PLXNA4: variants seen among roughly 807,000 people sequenced by gnomAD.
PLXNA4 encodes plexin-A4.
In PLXNA4, 44 loss-of-function variants were observed where a neutral mutation model predicts 191.8. That is an observed-to-expected ratio of 0.23 (90% CI 0.18 to 0.29). The LOEUF (loss-of-function observed/expected upper bound fraction) is 0.29. PLXNA4 is among the 10% of genes least tolerant of loss of function. PLXNA4 has a pLI of 1.00. For missense variants in PLXNA4, 1,800 were observed against 2,488.8 expected (o/e 0.72, Z 5.89); for synonymous variants, 1,082 against 1,009.5 (o/e 1.07, Z -1.36).
chr7:132,138,419 C>T (rs1795175025), intron 30 of PLXNA4, among the ~76,000 whole-genome samples: 1 of 152,108 alleles, frequency 6.6e-6, no homozygotes, highest in East Asian at 1.9e-4. Context: ...GTGAGGTCTG[C>T]CCTGCCGGAC....
intron 3 of PLXNA4, among the ~76,000 whole-genome samples, chr7:132,378,847 CTTTTTTT>C (rs11375919): frequency 8.4e-6 from 1 of 119,044 alleles, no homozygotes; most frequent in African/African-American, 3.3e-5. Flanking sequence ...GGCACTGGAT[CTTTTTTT>C]TTTTTTTTTT....
intron 4 of PLXNA4, among the ~76,000 whole-genome samples, chr7:132,269,495 C>G (rs958214309): frequency 6.6e-5 from 10 of 151,868 alleles, no homozygotes; most frequent in African/African-American, 2.4e-4. Flanking sequence ...GCATGGGACA[C>G]CACATCAGCT....
At chr7:132,516,847 G>A (rs1255850807) in intron 1 of PLXNA4, among the ~76,000 whole-genome samples, 11 of 152,290 alleles carry the variant, frequency 7.2e-5, no homozygotes, top group South Asian at 4.1e-4. Context: ...CCAGCTACTC[G>A]GGAGGCTGAG....
chr7:132,607,966 ACCATCACTG>A (rs1312221504), intron 2 of PLXNA4, among the ~76,000 whole-genome samples: 1 of 151,990 alleles, frequency 6.6e-6, no homozygotes, highest in African/African-American at 2.4e-5. Flanking sequence ...CACCATCACC[ACCATCACTG>A]CCATCATCCT....
At chr7:132,426,757 G>A (rs79327079) in intron 3 of PLXNA4, among the ~76,000 whole-genome samples, 4,855 of 151,564 alleles carry the variant, frequency 0.032, 106 homozygotes, top group Non-Finnish European at 0.045. Flanking sequence ...AAATTAGAGG[G>A]CAAAAGAAAA....
chr7:132,585,480 G>A (rs1802490924), intron 2 of PLXNA4, among the ~76,000 whole-genome samples: 1 of 152,118 alleles, frequency 6.6e-6, no homozygotes, highest in African/African-American at 2.4e-5. Context: ...AATGAGCCTG[G>A]CCCCCAAAGT....
At chr7:132,265,500 T>G (rs1799815679) in intron 4 of PLXNA4, among the ~76,000 whole-genome samples, 1 of 152,112 alleles carries the variant, frequency 6.6e-6, no homozygotes, top group Non-Finnish European at 1.5e-5. Flanking sequence ...GGTAGCAATA[T>G]GAAGGGTGTG....
At chr7:132,280,430 C>T (rs981245601) in intron 4 of PLXNA4, among the ~76,000 whole-genome samples, 10 of 152,154 alleles carry the variant, frequency 6.6e-5, no homozygotes, top group Admixed American at 3.3e-4. Flanking sequence ...GATTCATATC[C>T]GTGAAAACTG....
At chr7:132,315,334 G>A (rs1801903745) in intron 3 of PLXNA4, among the ~76,000 whole-genome samples, 1 of 152,118 alleles carries the variant, frequency 6.6e-6, no homozygotes, top group Non-Finnish European at 1.5e-5. Flanking sequence ...TACCCTCAAA[G>A]ACTTCTTGTC....
rs1401799425 is a variant in PLXNA4 at position 132,469,267 on chromosome 7, T to A, written c.1371+20025A>T. Among the ~76,000 whole-genome samples, 4 of 152,258 alleles carry A rather than the reference T, an allele frequency of 2.6e-5. No homozygotes were observed. The East Asian group carries it at 5.8e-4, about 22-fold the overall frequency. On this transcript the variant is annotated intron_variant, in intron 3 of 31. Coordinates refer to ENST00000321063, the MANE Select transcript of PLXNA4 (RefSeq NM_020911.2). Reference sequence around the variant, plus strand: ...TGGATGAAGAAATGCCTTACCTCCCTAAGTTTCTTTAGGGTAAATTGGAGC... The same window carrying A: ...TGGATGAAGAAATGCCTTACCTCCCAAAGTTTCTTTAGGGTAAATTGGAGC...
chr7:132,595,922 T>C lies in PLXNA4; in HGVS notation c.-87+50006A>G, dbSNP rs183938403. Among the ~76,000 whole-genome samples the C allele has an allele frequency of 5.7e-3, 867 of 152,324 alleles. 7 individuals are homozygous for C. Among genetic ancestry groups the C allele is most frequent in the Middle Eastern group, 0.041 (12 of 294 alleles). On this transcript the variant is annotated intron_variant, in intron 2 of 4. Transcript: ENST00000378539. ...AGAACGAAACATTATCCTACATACC[T>C]TCAATACCATTATTGTGCATAATAA... is the stretch of plus-strand genomic sequence containing the variant.
chr7:132,151,808 C>T (rs983855967), intron 25 of PLXNA4, among the ~76,000 whole-genome samples: 7 of 152,084 alleles, frequency 4.6e-5, no homozygotes, highest in African/African-American at 1.7e-4. Context: ...CCCAGCTGAA[C>T]CCAGAATGGA....
intron 2 of PLXNA4, among the ~76,000 whole-genome samples, chr7:132,493,043 A>G (rs1797866914): frequency 1.3e-5 from 2 of 152,156 alleles, no homozygotes; most frequent in African/African-American, 4.8e-5. Context: ...GGGCCTGTAG[A>G]CCTGGGAGGT....
At chr7:132,384,570 C>A (rs987653000) in intron 3 of PLXNA4, 31 of 988,258 alleles carry the variant, frequency 3.1e-5, no homozygotes, top group Admixed American at 1.2e-4. Context: ...GACCAGATGC[C>A]AACAGAGCTT....
rs1181463964 is a variant in PLXNA4 at position 132,210,412 on chromosome 7, G to A, written c.2298+531C>T. On this transcript the variant is annotated intron_variant, in intron 10 of 31. Coordinates refer to ENST00000321063, the MANE Select transcript of PLXNA4 (RefSeq NM_020911.2). Reference sequence around the variant, plus strand: ...TTGCCACACATTGGGCAGGGTTTGCGCTGATCTAAGCAGCGCTCTCCTAGC... The same window carrying A: ...TTGCCACACATTGGGCAGGGTTTGCACTGATCTAAGCAGCGCTCTCCTAGC... Among the ~76,000 whole-genome samples, 7 of 152,270 alleles carry A rather than the reference G, an allele frequency of 4.6e-5. No homozygotes were observed. The East Asian group carries it at 1.2e-3, about 25-fold the overall frequency.
intron 3 of PLXNA4, among the ~76,000 whole-genome samples, chr7:132,485,291 G>A (rs893398286): frequency 6.6e-6 from 1 of 152,178 alleles, no homozygotes; most frequent in Non-Finnish European, 1.5e-5. Flanking sequence ...CCCCTTAGGT[G>A]TGAACAGTTT....
At chr7:132,362,309 A>T (rs1243762323) in intron 3 of PLXNA4, among the ~76,000 whole-genome samples, 2 of 152,220 alleles carry the variant, frequency 1.3e-5, no homozygotes, top group Non-Finnish European at 2.9e-5. Context: ...GTGGCTTGAG[A>T]TAGCAATATT....
intron 4 of PLXNA4, among the ~76,000 whole-genome samples, chr7:132,256,573 C>G (rs558271397): frequency 6.6e-6 from 1 of 152,240 alleles, no homozygotes; most frequent in Non-Finnish European, 1.5e-5. Context: ...AATTTGGGGT[C>G]TAGGTTAATT....
intron 2 of PLXNA4, among the ~76,000 whole-genome samples, chr7:132,625,275 A>G (rs1008139630): frequency 1.3e-5 from 2 of 152,140 alleles, no homozygotes; most frequent in African/African-American, 2.4e-5. Flanking sequence ...CCAGCCCAGC[A>G]CAGTGCTGGA....
Sources: allele counts gnomAD v4.1 joint callset (sites outside exome capture counted in the v4.1 genomes callset), GRCh38; gene constraint gnomAD v4.1.1; transcripts MANE v1.5; gene names NCBI Gene and HGNC (gene_info 2026-07-23, HGNC 2026-07-21).